Variants in PRH1 observed in about 807,000 individuals in gnomAD.
The protein encoded by PRH1 is salivary acidic proline-rich phosphoprotein 1/2.
PRH1 carries 7 observed loss-of-function variants against 7.9 expected under a neutral mutation model. That is an observed-to-expected ratio of 0.89 (90% CI 0.50 to 1.67). PRH1 has a LOEUF of 1.67. PRH1 is among the 40% of genes most tolerant of loss of function. The pLI, the probability that PRH1 is intolerant of heterozygous loss-of-function variation, is 0.00. For synonymous variants in PRH1, 45 were observed against 80.8 expected, an observed-to-expected ratio of 0.56 and a Z score of 2.38; for missense variants, 109 against 223.6, an observed-to-expected ratio of 0.49 and a Z score of 3.27.
chr12:11,056,378 G>C (rs1050330243), intron 1 of PRH1, among the ~76,000 whole-genome samples: 1 of 152,102 alleles, frequency 6.6e-6, no homozygotes, highest in South Asian at 2.1e-4. Flanking sequence ...TCCAATCTTG[G>C]ATTTTTATTT....
At chr12:11,008,444 G>A (rs1940924890) in intron 1 of PRH1, among the ~76,000 whole-genome samples, 1 of 152,038 alleles carries the variant, frequency 6.6e-6, no homozygotes, top group African/African-American at 2.4e-5. Flanking sequence ...ACTGCAAACA[G>A]CCTAGTTCCA....
At chr12:10,909,398 T>G (rs1949861942) in intron 2 of PRH1, 1 of 765,496 alleles carries the variant, frequency 1.3e-6, no homozygotes, top group South Asian at 1.9e-5. Flanking sequence ...TTCTTCTTCC[T>G]TCTCCTTTTT....
intron 2 of PRH1, among the ~76,000 whole-genome samples, chr12:10,934,336 C>T (rs974219686): frequency 6.6e-6 from 1 of 152,054 alleles, no homozygotes; most frequent in Admixed American, 6.5e-5. Flanking sequence ...CCATTATTAC[C>T]GAAATCAGAC....
chr12:11,153,913 A>G (rs187083136), intron 1 of PRH1, among the ~76,000 whole-genome samples: 47 of 152,300 alleles, frequency 3.1e-4, no homozygotes, highest in African/African-American at 1.1e-3. Context: ...TCACTAACAG[A>G]TATTACCCCC....
At chr12:11,116,023 TAGA>T (rs1442931737), downstream of PRH1, among the ~76,000 whole-genome samples, 3 of 151,794 alleles carry the variant, frequency 2.0e-5, no homozygotes, top group East Asian at 1.9e-4. Flanking sequence ...CCAAAATTAG[TAGA>T]AGAACACAAA....
chr12:11,159,185 A>G (rs1375160217), intron 1 of PRH1: 1 of 152,054 alleles, frequency 6.6e-6, no homozygotes. Flanking sequence ...AAGGCCTTGA[A>G]GACAGACTAT....
chr12:11,140,498 T>C (rs1353960219), intron 1 of PRH1, among the ~76,000 whole-genome samples: 1 of 152,198 alleles, frequency 6.6e-6, no homozygotes, highest in African/African-American at 2.4e-5. Flanking sequence ...AGTAATGTTC[T>C]TGTTCCTTTT....
chr12:11,003,447 T>G (rs11054150), intron 1 of PRH1, among the ~76,000 whole-genome samples: 13,586 of 152,086 alleles, frequency 0.089, 736 homozygotes, highest in Admixed American at 0.13. Context: ...TCCCCATATA[T>G]GCTTTCTTGT....
intron 2 of PRH1, among the ~76,000 whole-genome samples, chr12:10,911,412 G>T (rs920008471): frequency 3.3e-5 from 5 of 152,158 alleles, no homozygotes; most frequent in African/African-American, 1.2e-4. Context: ...TAATCAAAGA[G>T]ATGTAGTCTC....
At chr12:11,120,651 GT>G (rs35216470), downstream of PRH1, among the ~76,000 whole-genome samples, 12 of 149,286 alleles carry the variant, frequency 8.0e-5, no homozygotes, top group East Asian at 2.0e-4. Flanking sequence ...TCAGATGGCT[GT>G]TTTTTTTTTA....
At chr12:11,127,339 G>A (rs193180227) in intron 1 of PRH1, among the ~76,000 whole-genome samples, 25 of 152,344 alleles carry the variant, frequency 1.6e-4, no homozygotes, top group Admixed American at 1.3e-4. Flanking sequence ...TTTGCGTTCA[G>A]CAATGTGAGT....
intron 1 of PRH1, among the ~76,000 whole-genome samples, chr12:11,068,394 T>C (rs934153005): frequency 3.3e-5 from 5 of 152,224 alleles, no homozygotes; most frequent in African/African-American, 9.7e-5. Context: ...TTATTATCTA[T>C]GTAGCTCAAA....
At chr12:11,093,402 T>C (rs1944990484) in intron 1 of PRH1, among the ~76,000 whole-genome samples, 1 of 115,840 alleles carries the variant, frequency 8.6e-6, no homozygotes, top group South Asian at 2.3e-4. Context: ...AATACACACG[T>C]GCACACCACT....
Position 10,986,649 on chromosome 12 carries a change from A to G in PRH1, c.-125-12928T>C. ...TTCTACACTATAAAAAGCTGGATTC[A>G]ACACAGTTAAATACCAATTTAATAA... On this transcript the variant is annotated intron_variant, in intron 1 of 3. Transcript: ENST00000539853. 1.9e-6 allele frequency: 3 copies of G among 1,613,034 alleles called. No individual in the cohort carries two copies. The highest frequency in any genetic ancestry group is 2.5e-6 in the Non-Finnish European group (3 of 1,179,804).
intron 1 of PRH1, among the ~76,000 whole-genome samples, chr12:10,991,182 A>G (rs1269469218): frequency 6.6e-6 from 1 of 152,212 alleles, no homozygotes; most frequent in African/African-American, 2.4e-5. Context: ...AAACAGAATG[A>G]TAAAAACATG....
At position 11,005,483 on chromosome 12, in the gene PRH1, G is replaced by T. The variant is rs574577425; in HGVS notation, c.-125-31762C>A. 4.6e-5 allele frequency among the ~76,000 whole-genome samples: 7 copies of T among 152,180 alleles called. 1 individual carries two copies. Among genetic ancestry groups the T allele is most frequent in the African/African-American group, 1.7e-4 (7 of 41,566 alleles). On this transcript the variant is annotated intron_variant, in intron 1 of 3. Transcript: ENST00000539853. ...ACCACTGTGGATTGATTTTTTAAATGTCAGATTTATGTAAACAGAATCCAA... is the reference window on the plus strand; with the variant it reads ...ACCACTGTGGATTGATTTTTTAAATTTCAGATTTATGTAAACAGAATCCAA...
intron 1 of PRH1, chr12:10,986,566 C>T: frequency 6.2e-7 from 1 of 1,614,038 alleles, no homozygotes; most frequent in Non-Finnish European, 8.5e-7. Flanking sequence ...AGGTTAGCAG[C>T]AAGCCACATG....
chr12:11,000,011 A>G (rs1241838636), intron 1 of PRH1, among the ~76,000 whole-genome samples: 1 of 152,136 alleles, frequency 6.6e-6, no homozygotes, highest in Non-Finnish European at 1.5e-5. Context: ...TTTTTGAGCT[A>G]TTATGAATAA....
chr12:11,118,293 C>T (rs755065085), downstream of PRH1, among the ~76,000 whole-genome samples: 7 of 152,162 alleles, frequency 4.6e-5, no homozygotes, highest in East Asian at 7.7e-4. Flanking sequence ...ACAAGATATA[C>T]GAATGTCAAA....
Sources: gnomAD v4.1 joint callset for allele counts (sites outside exome capture counted in the v4.1 genomes callset) on GRCh38, gnomAD v4.1.1 for gene constraint, MANE v1.5 for transcripts, NCBI Gene and HGNC (gene_info 2026-07-23, HGNC 2026-07-21) for gene names.